Variants in PITX1 observed in about 807,000 individuals in gnomAD.
The protein encoded by PITX1 is pituitary homeobox 1.
Under a neutral mutation model 24.1 loss-of-function variants are expected in PITX1, and 5 were observed. That is an observed-to-expected ratio of 0.21 (90% confidence interval 0.11 to 0.44). The LOEUF (loss-of-function observed/expected upper bound fraction) is 0.44. Among genes scored for constraint, PITX1 ranks in the 20% least tolerant of loss-of-function variants. PITX1 has a pLI of 0.99. For synonymous variants in PITX1, 213 were observed against 208.9 expected (o/e 1.02, Z -0.17); for missense variants, 401 against 455.4 (o/e 0.88, Z 1.09).
intron 1 of PITX1, 79 bp from the exon 2 acceptor site, chr5:135,031,587 GC>G: frequency 8.5e-7 from 1 of 1,181,288 alleles, no homozygotes; most frequent in Non-Finnish European, 1.2e-6. Context: ...CGAACCGCTC[GC>G]CACCAGCGCT....
chr5:135,031,513 A>G lies in PITX1; in HGVS notation c.170-5T>C. The G allele has an allele frequency of 6.2e-7, 1 of 1,607,042 alleles. No homozygotes were observed. Among genetic ancestry groups the G allele is most frequent in the Non-Finnish European group, 8.5e-7 (1 of 1,177,904 alleles). ...GTTCCCCGCCGCGCTCCTTCTCTGC[A>G]GTAGGCAGGACGGGGAGCGGGTCAC... On this transcript the variant is annotated splice_polypyrimidine_tract_variant and splice_region_variant and intron_variant, in intron 1 of 2. Transcript: ENST00000265340.
At position 135,033,813 on chromosome 5, in the gene PITX1, T is replaced by TGGC. The variant is rs752690307; in HGVS notation, c.66_68dup (p.Pro24dup). 4.6e-5 allele frequency: 71 copies of TGGC among 1,553,550 alleles called. No homozygotes were observed. Among genetic ancestry groups the TGGC allele is most frequent in the South Asian group, 2.2e-4 (19 of 85,900 alleles). On this transcript the variant is annotated inframe_insertion, in exon 1 of 3. Coordinates refer to ENST00000265340, the MANE Select transcript of PITX1 (RefSeq NM_002653.5). This position sits in a 1 kb window ranked among gnomAD's most constrained non-coding sequence, Gnocchi z 5.9. The stretch of plus-strand genomic sequence containing the variant: ...GGAAGGCGGGCCCCATGTCATGGGG[T>TGGC]GGCGGCGGCGGCGGCCGGAGCCCCT...
At position 135,029,182 on chromosome 5, in the gene PITX1, TAGG is replaced by T; in HGVS notation, c.539_541del (p.Ser180del). On this transcript the variant is annotated inframe_deletion, in exon 3 of 3. Transcript: ENST00000265340. Reference sequence around the variant, plus strand: ...CAGGCTCTTGGCGGCCCAGTTGTTGTAGGAGTAGCCGGCGGCGTACACGTCCTC... The same window carrying T: ...CAGGCTCTTGGCGGCCCAGTTGTTGTAGTAGCCGGCGGCGTACACGTCCTC... 6.2e-7 allele frequency: 1 copy of T among 1,614,204 alleles called. No homozygotes were observed. The highest frequency in any genetic ancestry group is 8.5e-7 in the Non-Finnish European group (1 of 1,180,034).
In PITX1 at chr5:135,028,934, A is replaced by G; in HGVS notation, c.790T>C (p.Tyr264His). The change falls in exon 3 of 3, where the codon TAC becomes CAC. Residue 264 changes from tyrosine to histidine, a missense_variant. Physicochemically the swap from Tyr to His is moderately conservative, Grantham distance 83. Around this residue, in one of 3 missense-constraint regions of PITX1, gnomAD observed 217 missense variants for 219.8 expected, o/e 0.99. Coordinates refer to ENST00000265340, the MANE Select transcript of PITX1 (RefSeq NM_002653.5). The part of the protein sequence containing the change: ...NSAMSPGACP[Y>H]GTPASPYSVY... The stretch of plus-strand genomic sequence containing the variant: ...CTGTAGGGCGAGGCGGGAGTGCCGT[A>G]CGGGCAAGCGCCCGGCGACATGGCC... 8 of 1,613,966 alleles carry G rather than the reference A, an allele frequency of 5.0e-6. No individual in the cohort carries two copies. Among genetic ancestry groups the G allele is most frequent in the Non-Finnish European group, 6.8e-6 (8 of 1,179,978 alleles).
intron 1 of PITX1, chr5:135,032,940 C>T: frequency 2.3e-6 from 1 of 444,414 alleles, no homozygotes; most frequent in Non-Finnish European, 4.6e-6. Context: ...GGAACCCGGC[C>T]GGCTGCGCTG....
chr5:135,032,880 A>C, intron 1 of PITX1: 1 of 391,924 alleles, frequency 2.6e-6, no homozygotes, highest in South Asian at 1.7e-5. Context: ...CTGTGTATTA[A>C]GAAATGAACG....
In PITX1 at chr5:135,034,052, C is replaced by G. The variant is rs1018049970; in HGVS notation, c.-171G>C. ...CATGGACCGCCCGGGGCTGCGGCGC[C>G]GGGCGGGCAGAGGCGGCGGCAGCTT... On this transcript the variant is annotated 5_prime_UTR_variant, in exon 1 of 3. Transcript: ENST00000265340. 1 of 232,726 alleles carries G rather than the reference C, an allele frequency of 4.3e-6. No homozygotes were observed. Among genetic ancestry groups the G allele is most frequent in the African/African-American group, 2.3e-5 (1 of 43,024 alleles). 14.4% of individuals were successfully genotyped at this position (232,726 alleles called of 1,614,324 possible).
intron 2 of PITX1, among the ~76,000 whole-genome samples, chr5:135,030,411 CTAGGGAG>C (rs1236954189): frequency 6.6e-6 from 1 of 152,196 alleles, no homozygotes; most frequent in East Asian, 1.9e-4. Context: ...GCCAGCCTGC[CTAGGGAG>C]GGGTGAGGGC....
In PITX1 at chr5:135,029,015, T is replaced by C; in HGVS notation, c.709A>G (p.Met237Val). ...ATGTTGTTGAGGCCCGAGTTGGGCA[T>C]GCCAGGCACGGCGCCTGGGCCCATG... Reference protein sequence around the residue: ...SSMGPGAVPGMPNSGLNNINN... With the variant: ...SSMGPGAVPGVPNSGLNNINN... Residue 237 changes from methionine (M) to valine (V), a missense_variant, in exon 3 of 3, where the codon ATG becomes GTG. Around this residue, in one of 3 missense-constraint regions of PITX1, gnomAD observed 217 missense variants for 219.8 expected, o/e 0.99. Transcript: ENST00000265340. 1 of 1,614,212 alleles carries C rather than the reference T, an allele frequency of 6.2e-7. No homozygotes were observed. Among genetic ancestry groups the C allele is most frequent in the Non-Finnish European group, 8.5e-7 (1 of 1,180,034 alleles).
Position 135,029,111 on chromosome 5 carries a change from T to C in PITX1, c.613A>G (p.Met205Val), listed in dbSNP as rs149498254. The change falls in exon 3 of 3, where the codon ATG becomes GTG. Residue 205 changes from methionine (M) to valine (V), a missense_variant. By Grantham distance (21) the Met-to-Val change is conservative. This residue lies in a region of PITX1 where 217 missense variants were observed against 219.8 expected (regional missense o/e 0.99). Coordinates refer to ENST00000265340, the MANE Select transcript of PITX1 (RefSeq NM_002653.5). ...STKSFTFFNSMSPLSSQSMFS... is the reference protein window; with the variant it reads ...STKSFTFFNSVSPLSSQSMFS... ...ATGGACTGCGACGACAGCGGGCTCA[T>C]GGAGTTGAAGAAGGTGAAGCTCTTG... 1.2e-5 allele frequency: 19 copies of C among 1,614,146 alleles called. No homozygotes were observed. In the South Asian group the frequency reaches 1.3e-4, roughly 11 times the overall value.
At chr5:135,029,971 C>G (rs1162737400) in intron 2 of PITX1, among the ~76,000 whole-genome samples, 1 of 152,270 alleles carries the variant, frequency 6.6e-6, no homozygotes, top group Admixed American at 6.5e-5. Flanking sequence ...GCACTGTTCC[C>G]CTTAAACAGT....
At position 135,031,476 on chromosome 5, in the gene PITX1, C is replaced by T. The variant is rs757554141; in HGVS notation, c.202G>A (p.Glu68Lys). 7 of 1,613,174 alleles carry T rather than the reference C, an allele frequency of 4.3e-6. No homozygotes were observed. Among genetic ancestry groups the T allele is most frequent in the Non-Finnish European group, 5.9e-6 (7 of 1,179,886 alleles). ...KERGGEPKGPEDSGAGGTGCG... is the reference protein window; with the variant it reads ...KERGGEPKGPKDSGAGGTGCG... The stretch of plus-strand genomic sequence containing the variant: ...CCCGTGCCTCCCGCACCACTGTCCT[C>T]GGGCCCCTTGGGTTCCCCGCCGCGC... The change falls in exon 2 of 3, where the codon GAG (glutamate) becomes AAG (lysine). Residue 68 changes from glutamate (E) to lysine (K), a missense_variant. By Grantham distance (56) the Glu-to-Lys change is moderately conservative. Coordinates refer to ENST00000265340, the MANE Select transcript of PITX1 (RefSeq NM_002653.5).
At position 135,028,627 on chromosome 5, in the gene PITX1, G is replaced by T. The variant is rs1039102570; in HGVS notation, c.*152C>A. 7 of 349,676 alleles carry T rather than the reference G, an allele frequency of 2.0e-5. No homozygotes were observed. Among genetic ancestry groups the T allele is most frequent in the Non-Finnish European group, 3.4e-5 (7 of 206,450 alleles). 21.7% of individuals were successfully genotyped at this position (349,676 alleles called of 1,614,324 possible). A position where few individuals can be genotyped will look rare whatever the true frequency, so the allele number is the denominator to read the frequency against. On this transcript the variant is annotated 3_prime_UTR_variant, in exon 3 of 3. Coordinates refer to ENST00000265340, the MANE Select transcript of PITX1 (RefSeq NM_002653.5). ...GAAAAGCAAACACAAAACCAACCCG[G>T]AGTGGGAAGTGGGAGGAGGGGGCTG...
rs1219808304 is a variant in PITX1, at chr5:135,029,221, A to G, written c.503T>C (p.Val168Ala). 6.2e-7 allele frequency: 1 copy of G among 1,613,992 alleles called. No homozygotes were observed. Among genetic ancestry groups the G allele is most frequent in the Admixed American group, 1.7e-5 (1 of 60,030 alleles). Residue 168 changes from valine to alanine, a missense_variant, in exon 3 of 3, where the codon GTG becomes GCG. By Grantham distance (64) the Val-to-Ala change is moderately conservative. Around this residue, in one of 3 missense-constraint regions of PITX1, gnomAD observed 217 missense variants for 219.8 expected, o/e 0.99. Coordinates refer to ENST00000265340, the MANE Select transcript of PITX1 (RefSeq NM_002653.5). ...GGYVPQFSGL[V>A]QPYEDVYAAG... ...GGCGTACACGTCCTCGTAGGGCTGC[A>G]CTAGGCCGCTGAACTGCGGCACGTA...
chr5:135,030,298 C>T lies in PITX1; in HGVS notation c.403-977G>A, dbSNP rs562030079. ...TCCCTAGTCCCCAGCACTGACACTA[C>T]CTGATTCCACCCCCACCCACCCCTA... is the stretch of plus-strand genomic sequence containing the variant. On this transcript the variant is annotated intron_variant, in intron 2 of 2. Transcript: ENST00000265340. 3.5e-4 allele frequency among the ~76,000 whole-genome samples: 53 copies of T among 152,300 alleles called. 1 individual carries two copies. Among genetic ancestry groups the T allele is most frequent in the Non-Finnish European group, 4.7e-4 (32 of 68,034 alleles).
At chr5:135,029,499 A>G (rs954862511) in intron 2 of PITX1, among the ~76,000 whole-genome samples, 178 bp from the exon 3 acceptor site, 1 of 152,214 alleles carries the variant, frequency 6.6e-6, no homozygotes, top group African/African-American at 2.4e-5. Context: ...TGTCCCCAGA[A>G]AATACTAATT....
chr5:135,031,554 G>A, intron 1 of PITX1, 46 bp from the exon 2 acceptor site: 3 of 1,480,324 alleles, frequency 2.0e-6, no homozygotes, highest in East Asian at 2.4e-5. Flanking sequence ...CTTACGCCCC[G>A]TTGCACCCCG....
rs1752506857 is a variant in PITX1 at position 135,033,694 on chromosome 5, C to T, written c.169+19G>A. The T allele has an allele frequency of 1.9e-6, 3 of 1,593,218 alleles. No homozygotes were observed. The highest frequency in any genetic ancestry group is 1.3e-5 in the African/African-American group (1 of 74,366). ...GCCCGGGTAGGCTCTGTGCGCGCCG[C>T]GCGGGGAACGGCGCTTACCTGGCAG... is the stretch of plus-strand genomic sequence containing the variant. On this transcript the variant is annotated intron_variant, in intron 1 of 2. Transcript: ENST00000265340. This position sits in a 1 kb window ranked among gnomAD's most constrained non-coding sequence, Gnocchi z 5.9.
rs2149559133 is a variant in PITX1, at chr5:135,028,614, C to A, written c.*165G>T. The A allele has an allele frequency of 5.4e-6, 1 of 184,074 alleles. No homozygotes were observed. Among genetic ancestry groups the A allele is most frequent in the Non-Finnish European group, 9.0e-6 (1 of 110,790 alleles). 11.4% of individuals were successfully genotyped at this position (184,074 alleles called of 1,614,324 possible). A position where few individuals can be genotyped will look rare whatever the true frequency, so the allele number is the denominator to read the frequency against. ...AGAGTGGGGTCCGGAAAAGCAAACA[C>A]AAAACCAACCCGGAGTGGGAAGTGG... On this transcript the variant is annotated 3_prime_UTR_variant, in exon 3 of 3. Transcript: ENST00000265340.
Sources: gnomAD v4.1 joint callset for allele counts (sites outside exome capture counted in the v4.1 genomes callset) on GRCh38, gnomAD v4.1.1 for gene constraint, gnomAD v4.1.1 regional missense constraint, Gnocchi (gnomAD v3.1) non-coding constraint, MANE v1.5 for transcripts, NCBI Gene and HGNC (gene_info 2026-07-23, HGNC 2026-07-21) for gene names.